Variants in EP400 observed in about 807,000 individuals in gnomAD.
The protein encoded by EP400 is E1A binding protein p400.
A neutral mutation model predicts 354.1 loss-of-function variants in EP400; 105 were observed. The ratio of observed to expected loss-of-function variants is 0.30; its 90% confidence interval spans 0.25 to 0.35. EP400 has a LOEUF of 0.35. Among genes scored for constraint, EP400 ranks in the 10% least tolerant of loss-of-function variants. EP400 has a pLI of 1.00. For missense variants in EP400, 3,280 were observed against 4,121.0 expected (o/e 0.80, Z 5.59); for synonymous variants, 1,646 against 1,716.9 (o/e 0.96, Z 1.02).
intron 32 of EP400, among the ~76,000 whole-genome samples, chr12:132,040,973 G>A (rs1483166224): frequency 1.3e-5 from 2 of 152,238 alleles, no homozygotes; most frequent in African/African-American, 4.8e-5. Flanking sequence ...GAGCAAGGCT[G>A]GTGAGGACAA....
Position 132,013,902 on chromosome 12 carries a change from C to A in EP400, c.3912C>A (p.Ile1304=), listed in dbSNP as rs767621641. The change falls in exon 19 of 53, where the codon ATC becomes ATA. Residue 1304 remains isoleucine (I), a synonymous_variant. Transcript: ENST00000389561. The surrounding 1 kb of genome is among the most constrained non-coding windows in gnomAD (Gnocchi z 4.5). ...AAAAAGCCTTATACGAGGACGTTAT[C>A]CTGCAACCTGGGTGAGTGTGGGCTC... is the stretch of plus-strand genomic sequence containing the variant. The part of the protein sequence containing the change: ...NRQKALYEDV[I]LQPGTQEALK... The A allele has an allele frequency of 5.6e-6, 9 of 1,614,102 alleles. No individual in the cohort carries two copies. In the South Asian group the frequency reaches 9.9e-5, roughly 18 times the overall value.
chr12:132,042,438 C>G (rs921340242), intron 32 of EP400, among the ~76,000 whole-genome samples: 2 of 152,104 alleles, frequency 1.3e-5, no homozygotes, highest in African/African-American at 4.8e-5. Context: ...ATAGTGGGTG[C>G]TTTTTGTGCT....
At chr12:131,952,283 A>C (rs1339048786) in intron 1 of EP400, among the ~76,000 whole-genome samples, 23 of 134,868 alleles carry the variant, frequency 1.7e-4, no homozygotes, top group Non-Finnish European at 4.7e-5. Flanking sequence ...AGCCTGGGCG[A>C]CAGAGCGAGA....
At chr12:132,020,257 G>T (rs1894082368) in intron 22 of EP400, 39 bp downstream of exon 22, 1 of 1,530,564 alleles carries the variant, frequency 6.5e-7, no homozygotes, top group African/African-American at 1.4e-5. Context: ...GCCTTATGGA[G>T]GTTTTTGTGG....
At chr12:131,954,563 A>G (rs546088860) in intron 1 of EP400, among the ~76,000 whole-genome samples, 18 of 152,072 alleles carry the variant, frequency 1.2e-4, no homozygotes, top group African/African-American at 4.1e-4. Flanking sequence ...TGTCTCTATT[A>G]AAAATACAAA....
chr12:132,006,626 G>T, intron 14 of EP400, 74 bp from the exon 15 acceptor site: 1 of 1,422,088 alleles, frequency 7.0e-7, no homozygotes, highest in South Asian at 1.4e-5. Context: ...TGTGACTGTT[G>T]ATTTCAGTTT....
chr12:132,015,216 T>C (rs909982273), intron 19 of EP400, among the ~76,000 whole-genome samples: 1 of 152,230 alleles, frequency 6.6e-6, no homozygotes, highest in African/African-American at 2.4e-5. Flanking sequence ...AATGACACAG[T>C]ACAACCGTCC....
In EP400 at chr12:131,960,866, G is replaced by A. The variant is rs769148687; in HGVS notation, c.247G>A (p.Val83Ile). Residue 83 changes from valine to isoleucine, a missense_variant, in exon 2 of 53, where the codon GTC becomes ATC. This residue lies in a region of EP400 where 172 missense variants were observed against 242.9 expected (regional missense o/e 0.71). Coordinates refer to ENST00000389561, the MANE Select transcript of EP400 (RefSeq NM_015409.5). Reference sequence around the variant, plus strand: ...CACCCTGCAGAGCGTGGGCCCTGTCGTCGGGGGAAACCAGCAGATCACACT... The same window carrying A: ...CACCCTGCAGAGCGTGGGCCCTGTCATCGGGGGAAACCAGCAGATCACACT... ...NITLQSVGPV[V>I]GGNQQITLAP... 14 of 1,614,026 alleles carry A rather than the reference G, an allele frequency of 8.7e-6. No individual in the cohort carries two copies. In the East Asian group the frequency reaches 1.1e-4, roughly 13 times the overall value.
chr12:132,046,067 G>T (rs1195697206), intron 39 of EP400, among the ~76,000 whole-genome samples, 167 bp downstream of exon 39: 2 of 152,230 alleles, frequency 1.3e-5, no homozygotes, highest in Non-Finnish European at 2.9e-5. Flanking sequence ...GCGAGGTCAG[G>T]TGTCTGCACT....
chr12:131,999,640 T>A (rs1593337088), intron 12 of EP400, among the ~76,000 whole-genome samples: 1 of 152,286 alleles, frequency 6.6e-6, no homozygotes, highest in East Asian at 1.9e-4. Flanking sequence ...GGTTTTACCG[T>A]GTTGCCCAGG....
At chr12:132,037,652 G>T in intron 30 of EP400, 30 bp from the exon 31 acceptor site, 1 of 1,585,220 alleles carries the variant, frequency 6.3e-7, no homozygotes, top group South Asian at 1.1e-5. Flanking sequence ...CCTGGTGACT[G>T]ACTTAGCATC....
At chr12:132,012,099 T>G (rs1262349500) in intron 16 of EP400, among the ~76,000 whole-genome samples, 3 of 152,254 alleles carry the variant, frequency 2.0e-5, no homozygotes, top group Non-Finnish European at 4.4e-5. Flanking sequence ...CCCTATAGTT[T>G]CTAGTACTAG....
chr12:132,030,389 A>G (rs767584115), intron 29 of EP400, among the ~76,000 whole-genome samples: 21 of 152,246 alleles, frequency 1.4e-4, no homozygotes, highest in African/African-American at 2.9e-4. Context: ...GTGACCTGCA[A>G]TCATCATTAA....
intron 1 of EP400, among the ~76,000 whole-genome samples, chr12:131,950,299 C>A (rs1348415263): frequency 6.6e-6 from 1 of 152,064 alleles, no homozygotes; most frequent in South Asian, 2.1e-4. Flanking sequence ...TTCTCGTGGC[C>A]CCCCGGGCTC....
At chr12:131,984,189 C>T (rs74866070) in intron 5 of EP400, among the ~76,000 whole-genome samples, 2,189 of 152,268 alleles carry the variant, frequency 0.014, 50 homozygotes, top group African/African-American at 0.05. Context: ...TGAGTCACCG[C>T]ACCCGGCCTA....
intron 2 of EP400, among the ~76,000 whole-genome samples, chr12:131,963,197 A>G (rs1291566633): frequency 2.0e-5 from 3 of 152,214 alleles, no homozygotes; most frequent in Non-Finnish European, 2.9e-5. Context: ...CTGACCCTAC[A>G]TATAACAGAG....
At position 132,054,972 on chromosome 12, in the gene EP400, A is replaced by G; in HGVS notation, c.7729-2A>G. On this transcript the variant is annotated splice_acceptor_variant, in intron 43 of 52. Coordinates refer to ENST00000389561, the MANE Select transcript of EP400 (RefSeq NM_015409.5). LOFTEE classifies it high-confidence loss of function. This position sits in a 1 kb window ranked among gnomAD's most constrained non-coding sequence, Gnocchi z 4.0. ...TCAAATGGATTTTTTTTTTTTAAATAGGCAGGAACCATTAAAACATCAGTT... is the reference window on the plus strand; with the variant it reads ...TCAAATGGATTTTTTTTTTTTAAATGGGCAGGAACCATTAAAACATCAGTT... The G allele has an allele frequency of 6.2e-7, 1 of 1,613,146 alleles. No homozygotes were observed. Among genetic ancestry groups the G allele is most frequent in the Non-Finnish European group, 8.5e-7 (1 of 1,179,598 alleles).
Position 131,987,841 on chromosome 12 carries a change from C to T in EP400, c.2360C>T (p.Ala787Val). 1 of 1,613,210 alleles carries T rather than the reference C, an allele frequency of 6.2e-7. No individual in the cohort carries two copies. The highest frequency in any genetic ancestry group is 8.5e-7 in the Non-Finnish European group (1 of 1,179,666). The change falls in exon 7 of 53, where the codon GCC becomes GTC. Residue 787 changes from alanine (A) to valine (V), a missense_variant. Around this residue, in one of 20 missense-constraint regions of EP400, gnomAD observed 800 missense variants for 840.0 expected, o/e 0.95. Transcript: ENST00000389561. ...CTGCTGGAGGAGATGCAGTGGATGG[C>T]CACAGACTTTGCCCAGGAGAGGAGG... ...DYLLEEMQWM[A>V]TDFAQERRWK...
intron 51 of EP400, among the ~76,000 whole-genome samples, chr12:132,073,430 T>C (rs1339764943): frequency 6.7e-6 from 1 of 149,576 alleles, no homozygotes; most frequent in Non-Finnish European, 1.5e-5. Context: ...ATGCTGCTGT[T>C]AGTGTGCGTT....
Sources: allele counts gnomAD v4.1 joint callset (sites outside exome capture counted in the v4.1 genomes callset), GRCh38; gene constraint gnomAD v4.1.1; regional missense constraint gnomAD v4.1.1; non-coding constraint Gnocchi (gnomAD v3.1); transcripts MANE v1.5; gene names NCBI Gene and HGNC (gene_info 2026-07-23, HGNC 2026-07-21).